DIS3L2: variants seen among roughly 807,000 people sequenced by gnomAD.
DIS3L2 encodes the protein DIS3 like 3'-5' exoribonuclease 2.
A neutral mutation model predicts 97.5 loss-of-function variants in DIS3L2; 34 were observed. That is an observed-to-expected ratio of 0.35 (90% CI 0.27 to 0.46). The LOEUF (loss-of-function observed/expected upper bound fraction) is 0.46, where lower values mean the gene tolerates loss of function less well. Among genes scored for constraint, DIS3L2 ranks in the 20% least tolerant of loss-of-function variants. The probability of loss-of-function intolerance (pLI) is 1.00; values close to 1 mark genes in which losing one functional copy is unlikely to be tolerated. For missense variants in DIS3L2, 1,038 were observed against 1,146.0 expected, an observed-to-expected ratio of 0.91 and a Z score of 1.36; for synonymous variants, 435 against 445.2, an observed-to-expected ratio of 0.98 and a Z score of 0.29.
At chr2:232,017,240 T>G (rs188059588) in intron 3 of DIS3L2, among the ~76,000 whole-genome samples, 2 of 151,892 alleles carry the variant, frequency 1.3e-5, no homozygotes, top group African/African-American at 4.8e-5. Context: ...AAGGTAAAAA[T>G]TAGTCATGCC....
intron 5 of DIS3L2, among the ~76,000 whole-genome samples, chr2:232,074,891 G>A (rs1045401177): frequency 8.5e-5 from 13 of 152,234 alleles, no homozygotes; most frequent in South Asian, 8.3e-4. Flanking sequence ...CCGAGGAACC[G>A]TATAGTGAAA....
At chr2:232,341,111 G>A, downstream of DIS3L2, 1 of 368,082 alleles carries the variant, frequency 2.7e-6, no homozygotes, top group South Asian at 2.1e-5. Context: ...AAACACTGCA[G>A]ACAGGTGAGC....
chr2:231,978,130 A>G (rs1693150897), intron 1 of DIS3L2, among the ~76,000 whole-genome samples: 1 of 152,248 alleles, frequency 6.6e-6, no homozygotes, highest in Non-Finnish European at 1.5e-5. Context: ...TATGCATTCT[A>G]TAGTCTTATT....
Position 232,015,687 on chromosome 2 carries a change from T to C in DIS3L2, c.210+16T>C, listed in dbSNP as rs780625906. The C allele has an allele frequency of 1.9e-6, 3 of 1,612,532 alleles. No homozygotes were observed. Among genetic ancestry groups the C allele is most frequent in the Admixed American group, 3.3e-5 (2 of 59,926 alleles). ...ACTCATCCAGGTGCTTAAAATCTAC[T>C]GGAAGGCTATTCTCTGAATATGTAG... On this transcript the variant is annotated intron_variant, in intron 3 of 20. Coordinates refer to ENST00000325385, the MANE Select transcript of DIS3L2 (RefSeq NM_152383.5).
chr2:232,038,697 G>C (rs1022263957), intron 5 of DIS3L2, among the ~76,000 whole-genome samples: 10 of 152,210 alleles, frequency 6.6e-5, no homozygotes, highest in Admixed American at 1.3e-4. Context: ...CAGGCAGGAA[G>C]TCTAAGACGA....
intron 14 of DIS3L2, among the ~76,000 whole-genome samples, chr2:232,321,093 G>A (rs538113902): frequency 6.6e-6 from 1 of 152,178 alleles, no homozygotes; most frequent in East Asian, 1.9e-4. Context: ...TCACCCATGA[G>A]GAGGCCCCAA....
intron 11 of DIS3L2, among the ~76,000 whole-genome samples, chr2:232,240,433 A>T (rs1299786539): frequency 2.0e-5 from 3 of 152,218 alleles, no homozygotes; most frequent in African/African-American, 7.2e-5. Context: ...CTGTGTGATC[A>T]TCAAAACCCC....
chr2:232,051,613 C>T (rs1442016695), intron 5 of DIS3L2, among the ~76,000 whole-genome samples: 1 of 151,390 alleles, frequency 6.6e-6, no homozygotes, highest in African/African-American at 2.4e-5. Context: ...GAGATCGAGA[C>T]CATCCCGGCT....
At chr2:232,310,452 T>C (rs1462093152) in intron 14 of DIS3L2, among the ~76,000 whole-genome samples, 1 of 152,200 alleles carries the variant, frequency 6.6e-6, no homozygotes, top group Non-Finnish European at 1.5e-5. Context: ...CGGGTAGTGT[T>C]CAGCGAAGGG....
chr2:232,028,332 AT>A (rs2106237703), intron 4 of DIS3L2, among the ~76,000 whole-genome samples: 1 of 152,316 alleles, frequency 6.6e-6, no homozygotes, highest in South Asian at 2.1e-4. Context: ...GTTAAAAGAG[AT>A]GACTCAAACT....
intron 9 of DIS3L2, among the ~76,000 whole-genome samples, chr2:232,177,051 C>T (rs1336662781): frequency 2.1e-5 from 3 of 145,276 alleles, no homozygotes; most frequent in Admixed American, 7.0e-5. Flanking sequence ...TGAGAATATG[C>T]GGTGTTTGGT....
chr2:232,181,616 G>A (rs1195515200), intron 9 of DIS3L2, among the ~76,000 whole-genome samples: 1 of 151,686 alleles, frequency 6.6e-6, no homozygotes, highest in Non-Finnish European at 1.5e-5. Context: ...CGGCCACCAT[G>A]CCCGGCTATT....
At chr2:232,285,223 T>C (rs1056104832) in intron 13 of DIS3L2, among the ~76,000 whole-genome samples, 1 of 152,196 alleles carries the variant, frequency 6.6e-6, no homozygotes, top group Admixed American at 6.5e-5. Flanking sequence ...TTATTACTAC[T>C]TAGCTGTGTG....
chr2:232,277,835 C>T (rs1406445014), intron 13 of DIS3L2, among the ~76,000 whole-genome samples: 1 of 152,206 alleles, frequency 6.6e-6, no homozygotes, highest in East Asian at 1.9e-4. Flanking sequence ...AGTTGCTGCT[C>T]CTAGTCTACA....
At chr2:232,090,688 G>GTTCT (rs1696810580) in intron 6 of DIS3L2, among the ~76,000 whole-genome samples, 2 of 152,312 alleles carry the variant, frequency 1.3e-5, no homozygotes, top group South Asian at 4.1e-4. Flanking sequence ...TTCTAGAAAG[G>GTTCT]TTCTTTGCTT....
chr2:232,014,180 C>G (rs1340237342), intron 1 of DIS3L2, among the ~76,000 whole-genome samples: 1 of 152,348 alleles, frequency 6.6e-6, no homozygotes. Flanking sequence ...GGCAGCTGCT[C>G]TTATATTCCT....
In DIS3L2 at chr2:232,342,994, G is replaced by C. The variant is rs4414669; in HGVS notation, c.1582-351G>C. 6.2e-5 allele frequency: 12 copies of C among 192,174 alleles called. No homozygotes were observed. In the South Asian group the frequency reaches 6.4e-4, roughly 10 times the overall value. The allele number at this position is 192,174 out of a possible 1,614,324, so 11.9% of individuals were successfully genotyped here. On this transcript the variant is annotated intron_variant, in intron 13 of 13. Coordinates refer to the DIS3L2 transcript ENST00000273009. Reference sequence around the variant, plus strand: ...TCAAGGGCTGATAGGAGTCAGAGTGGGGGGGCTGGGAGGGCTGAGGCAGGT... The same window carrying C: ...TCAAGGGCTGATAGGAGTCAGAGTGCGGGGGCTGGGAGGGCTGAGGCAGGT...
At chr2:232,342,797 C>A (rs954217040) in intron 13 of DIS3L2, among the ~76,000 whole-genome samples, 2 of 152,194 alleles carry the variant, frequency 1.3e-5, no homozygotes, top group Non-Finnish European at 2.9e-5. Context: ...TGGGCTGGGG[C>A]CCCTGGGAGC....
rs543649384 is a variant in DIS3L2, at chr2:232,088,166, C to T, written c.601+445C>T. The stretch of plus-strand genomic sequence containing the variant: ...CTGTAATCCCAGCACTTTGGGAGGC[C>T]GAGGCGGGCGGATCACGAGGTCAGG... On this transcript the variant is annotated intron_variant, in intron 6 of 20. Coordinates refer to ENST00000325385, the MANE Select transcript of DIS3L2 (RefSeq NM_152383.5). Among the ~76,000 whole-genome samples, 535 of 152,064 alleles carry T rather than the reference C, an allele frequency of 3.5e-3. 3 individuals are homozygous for T. Among genetic ancestry groups the T allele is most frequent in the African/African-American group, 0.012 (488 of 41,480 alleles).
Sources: allele counts gnomAD v4.1 joint callset (sites outside exome capture counted in the v4.1 genomes callset), GRCh38; gene constraint gnomAD v4.1.1; transcripts MANE v1.5; gene names NCBI Gene and HGNC (gene_info 2026-07-23, HGNC 2026-07-21).